The following PAWR variants were observed in gnomAD, a reference collection of about 807,000 sequenced individuals.
PAWR encodes the protein pro-apoptotic WT1 regulator.
In PAWR, 23 loss-of-function variants were observed where a neutral mutation model predicts 32.0. The ratio of observed to expected loss-of-function variants is 0.72; its 90% CI spans 0.52 to 1.02. PAWR has a LOEUF of 1.02. Among genes scored for constraint, PAWR ranks in the 50% least tolerant of loss-of-function variants. PAWR has a pLI of 0.00. For synonymous variants in PAWR, 226 were observed against 187.1 expected (o/e 1.21, Z -1.70); for missense variants, 457 against 437.7 (o/e 1.04, Z -0.39).
intron 2 of PAWR, among the ~76,000 whole-genome samples, chr12:79,653,558 C>A (rs1253652218): frequency 6.6e-6 from 1 of 152,220 alleles, no homozygotes; most frequent in African/African-American, 2.4e-5. Flanking sequence ...CAGCTCACTG[C>A]AACCTCCACT....
At chr12:79,635,746 C>T (rs1364327452) in intron 2 of PAWR, 2 of 151,904 alleles carry the variant, frequency 1.3e-5, no homozygotes, top group African/African-American at 4.8e-5. Flanking sequence ...TTTATCTGTC[C>T]AAAAAAAGTT....
chr12:79,642,170 C>T (rs961354661), intron 2 of PAWR, among the ~76,000 whole-genome samples: 1 of 152,034 alleles, frequency 6.6e-6, no homozygotes, highest in Admixed American at 6.6e-5. Flanking sequence ...AAGATATCTT[C>T]AATATATGGC....
At chr12:79,638,753 C>T (rs1287221158) in intron 2 of PAWR, among the ~76,000 whole-genome samples, 1 of 146,994 alleles carries the variant, frequency 6.8e-6, no homozygotes, top group African/African-American at 2.5e-5. Context: ...AGATCTATTG[C>T]CTCCCTATCA....
chr12:79,625,987 A>AC (rs1383900877), intron 2 of PAWR, among the ~76,000 whole-genome samples: 1 of 148,572 alleles, frequency 6.7e-6, no homozygotes, highest in African/African-American at 2.5e-5. Context: ...ACACAGTGAA[A>AC]CCCCATCTCT....
chr12:79,664,913 C>T (rs1332417891), intron 2 of PAWR, among the ~76,000 whole-genome samples: 1 of 152,060 alleles, frequency 6.6e-6, no homozygotes, highest in Non-Finnish European at 1.5e-5. Flanking sequence ...AACATTCAGT[C>T]ACTGCATTCA....
At chr12:79,642,471 T>C (rs1876372182) in intron 2 of PAWR, among the ~76,000 whole-genome samples, 1 of 152,230 alleles carries the variant, frequency 6.6e-6, no homozygotes, top group Non-Finnish European at 1.5e-5. Flanking sequence ...TTCTGGAGGT[T>C]GGAAGTCCAA....
chr12:79,639,351 G>A (rs1168025018), intron 2 of PAWR, among the ~76,000 whole-genome samples: 1 of 151,848 alleles, frequency 6.6e-6, no homozygotes. Flanking sequence ...GCTTCTCCCA[G>A]CCAACATATT....
chr12:79,613,577 T>C lies in PAWR; in HGVS notation c.681A>G (p.Lys227=). 6.5e-7 allele frequency: 1 copy of C among 1,536,248 alleles called. No individual in the cohort carries two copies. Among genetic ancestry groups the C allele is most frequent in the Non-Finnish European group, 9.0e-7 (1 of 1,114,828 alleles). ...GTTTAAGTCATAAGGATTCTTACCT[T>C]TTATATCTGCCTGAAACTGTTCTAG... ...EPPRTVSGRY[K]STTSVSEEDV... The change falls in exon 4 of 7, where the codon AAA becomes AAG. Residue 227 remains lysine, a splice_region_variant and synonymous_variant. Coordinates refer to ENST00000328827, the MANE Select transcript of PAWR (RefSeq NM_002583.4).
At chr12:79,638,787 T>TGG (rs1219029788) in intron 2 of PAWR, among the ~76,000 whole-genome samples, 138 of 73,032 alleles carry the variant, frequency 1.9e-3, no homozygotes, top group East Asian at 2.4e-3. Context: ...TCATTATATT[T>TGG]GGGGTGTGTG....
At chr12:79,632,903 G>A (rs956017716) in intron 2 of PAWR, among the ~76,000 whole-genome samples, 1 of 152,056 alleles carries the variant, frequency 6.6e-6, no homozygotes, top group Non-Finnish European at 1.5e-5. Context: ...GGAGGCTGAG[G>A]TGGGCGGATC....
At chr12:79,674,459 A>G (rs1878062624) in intron 2 of PAWR, among the ~76,000 whole-genome samples, 1 of 152,174 alleles carries the variant, frequency 6.6e-6, no homozygotes, top group Non-Finnish European at 1.5e-5. Context: ...AAACCCTAGA[A>G]GAAAACCTAG....
chr12:79,608,461 G>A (rs899092164), intron 4 of PAWR, among the ~76,000 whole-genome samples: 1 of 152,136 alleles, frequency 6.6e-6, no homozygotes, highest in Non-Finnish European at 1.5e-5. Flanking sequence ...TGCTGATCTG[G>A]CAGGAAGCAA....
rs1309082780 is a variant in PAWR at position 79,592,698 on chromosome 12, A to G, written c.937-5T>C. 1 of 731,576 alleles carries G rather than the reference A, an allele frequency of 1.4e-6. No homozygotes were observed. The highest frequency in any genetic ancestry group is 2.5e-6 in the Non-Finnish European group (1 of 406,578). The allele number at this position is 731,576 out of a possible 1,614,324, so 45.3% of individuals were successfully genotyped here. A position where few individuals can be genotyped will look rare whatever the true frequency, so the allele number is the denominator to read the frequency against. Reference sequence around the variant, plus strand: ...ATCTTCTATGTCATCTAGGTCCTTAAGAAAAAAAAAAGACACTTTAAAAAT... The same window carrying G: ...ATCTTCTATGTCATCTAGGTCCTTAGGAAAAAAAAAAGACACTTTAAAAAT... On this transcript the variant is annotated splice_region_variant and splice_polypyrimidine_tract_variant and intron_variant, in intron 6 of 6. Transcript: ENST00000328827.
intron 2 of PAWR, among the ~76,000 whole-genome samples, chr12:79,670,387 TA>T (rs1314194365): frequency 6.6e-6 from 1 of 151,946 alleles, no homozygotes; most frequent in Non-Finnish European, 1.5e-5. Context: ...GAAATCAAAA[TA>T]AAATCCAAAG....
intron 4 of PAWR, among the ~76,000 whole-genome samples, chr12:79,610,430 C>G (rs1264651777): frequency 6.6e-6 from 1 of 151,784 alleles, no homozygotes; most frequent in Non-Finnish European, 1.5e-5. Flanking sequence ...AAATTCTGAC[C>G]CTGAAGAAAA....
chr12:79,665,277 A>G (rs1228643415), intron 2 of PAWR, among the ~76,000 whole-genome samples: 4 of 152,192 alleles, frequency 2.6e-5, no homozygotes, highest in African/African-American at 9.7e-5. Flanking sequence ...CAATCTCTAA[A>G]ACAATTTTCA....
intron 6 of PAWR, among the ~76,000 whole-genome samples, chr12:79,593,811 T>C (rs1239827578): frequency 6.7e-6 from 1 of 148,564 alleles, no homozygotes; most frequent in East Asian, 2.1e-4. Flanking sequence ...CAAGCAATTC[T>C]CCTGCCTCAA....
rs190950281 is a variant in PAWR, at chr12:79,686,391, G to A, written c.516+3338C>T. On this transcript the variant is annotated intron_variant, in intron 2 of 6. Transcript: ENST00000328827. ...TCCTTATATTACCTGAGAGCACCTCGTGGGCAAGGCTTATGTCCTATTCAT... is the reference window on the plus strand; with the variant it reads ...TCCTTATATTACCTGAGAGCACCTCATGGGCAAGGCTTATGTCCTATTCAT... Among the ~76,000 whole-genome samples the A allele has an allele frequency of 6.6e-5, 10 of 152,210 alleles. No homozygotes were observed. The East Asian group carries it at 1.2e-3, about 18-fold the overall frequency.
rs373713913 is a variant in PAWR at position 79,652,387 on chromosome 12, C to T, written c.517-31180G>A. On this transcript the variant is annotated intron_variant, in intron 2 of 6. Transcript: ENST00000328827. The stretch of plus-strand genomic sequence containing the variant: ...ATTTACTAAGTAATACAAAGATACT[C>T]ATTGGCTAAATATACCCTGCAATAC... Among the ~76,000 whole-genome samples, 11 of 152,276 alleles carry T rather than the reference C, an allele frequency of 7.2e-5. 1 individual carries two copies. Among genetic ancestry groups the T allele is most frequent in the Admixed American group, 3.9e-4 (6 of 15,290 alleles).
Sources: gnomAD v4.1 joint callset for allele counts (sites outside exome capture counted in the v4.1 genomes callset) on GRCh38, gnomAD v4.1.1 for gene constraint, MANE v1.5 for transcripts, NCBI Gene and HGNC (gene_info 2026-07-23, HGNC 2026-07-21) for gene names.